TRAF5: variants seen among roughly 807,000 people sequenced by gnomAD.
TRAF5 encodes the protein TNF receptor associated factor 5.
In TRAF5, 48 loss-of-function variants were observed where a neutral mutation model predicts 64.5. That is an observed-to-expected ratio of 0.74 (90% CI 0.59 to 0.95). TRAF5 has a LOEUF of 0.95. Ranked by LOEUF, TRAF5 falls within the 40% of genes least tolerant of loss-of-function variation. The probability of loss-of-function intolerance (pLI) is 0.00; values close to 1 mark genes in which losing one functional copy is unlikely to be tolerated. For missense variants in TRAF5, 545 were observed against 662.8 expected (o/e 0.82, Z 1.95); for synonymous variants, 206 against 240.5 (o/e 0.86, Z 1.33).
intron 1 of TRAF5, among the ~76,000 whole-genome samples, chr1:211,332,463 G>C (rs1183964515): frequency 6.6e-6 from 1 of 152,146 alleles, no homozygotes; most frequent in African/African-American, 2.4e-5. Flanking sequence ...CTTGACCCTG[G>C]AGGATGGAGG....
Position 211,373,646 on chromosome 1 carries a change from A to G in TRAF5, c.*944A>G, listed in dbSNP as rs745578810. On this transcript the variant is annotated 3_prime_UTR_variant, in exon 11 of 11. Coordinates refer to ENST00000261464, the MANE Select transcript of TRAF5 (RefSeq NM_001033910.3). ...TGTCATAAATGGATAAAAGGAATTT[A>G]CAACTTGAGGAGAAAACCTTTACAA... The G allele has an allele frequency of 6.6e-6, 1 of 152,252 alleles. No individual in the cohort carries two copies. Among genetic ancestry groups the G allele is most frequent in the Non-Finnish European group, 1.5e-5 (1 of 68,040 alleles). 9.4% of individuals were successfully genotyped at this position (152,252 alleles called of 1,614,324 possible).
chr1:211,345,174 C>G (rs143704705), intron 1 of TRAF5, among the ~76,000 whole-genome samples: 1 of 152,152 alleles, frequency 6.6e-6, no homozygotes, highest in Non-Finnish European at 1.5e-5. Context: ...ACCTCGGCCT[C>G]CCAGAGTGCT....
In TRAF5 at chr1:211,337,832, G is replaced by T. The variant is rs548158108; in HGVS notation, c.-2+10943G>T. 5.3e-5 allele frequency among the ~76,000 whole-genome samples: 8 copies of T among 152,324 alleles called. 1 individual carries two copies. In the South Asian group the frequency reaches 1.7e-3, roughly 32 times the overall value. ...GTACCATTTCACTGAGATGGAGGAA[G>T]GCTATGGGAGGAGCAGGTTGGGTGG... On this transcript the variant is annotated intron_variant, in intron 1 of 10. Transcript: ENST00000261464.
intron 1 of TRAF5, among the ~76,000 whole-genome samples, chr1:211,344,493 T>C (rs992316588): frequency 1.3e-5 from 2 of 152,218 alleles, no homozygotes; most frequent in Non-Finnish European, 2.9e-5. Flanking sequence ...GTTGTCTGGT[T>C]GTCGTGGTGT....
At chr1:211,347,470 T>C (rs1007327047) in intron 1 of TRAF5, among the ~76,000 whole-genome samples, 1 of 152,210 alleles carries the variant, frequency 6.6e-6, no homozygotes, top group African/African-American at 2.4e-5. Context: ...AATGCTTATT[T>C]TTCTACAATG....
At chr1:211,354,793 A>T (rs1231055127) in intron 3 of TRAF5, among the ~76,000 whole-genome samples, 1 of 152,030 alleles carries the variant, frequency 6.6e-6, no homozygotes, top group Non-Finnish European at 1.5e-5. Context: ...GCATTTTTTC[A>T]TGTGCTTATT....
intron 3 of TRAF5, among the ~76,000 whole-genome samples, chr1:211,355,514 A>G (rs751290396): frequency 7.2e-5 from 11 of 152,088 alleles, no homozygotes; most frequent in Non-Finnish European, 1.2e-4. Flanking sequence ...TTGAGCCTCT[A>G]GTCTGCTGTA....
At chr1:211,347,102 C>A (rs1479444326) in intron 1 of TRAF5, among the ~76,000 whole-genome samples, 1 of 150,600 alleles carries the variant, frequency 6.6e-6, no homozygotes, top group Non-Finnish European at 1.5e-5. Context: ...TTTTTTTTTT[C>A]CTGACTTGCA....
chr1:211,326,896 C>A lies in TRAF5; in HGVS notation c.-2+7C>A. The A allele has an allele frequency of 1.0e-6, 1 of 984,978 alleles. No homozygotes were observed. The highest frequency in any genetic ancestry group is 4.5e-5 in the South Asian group (1 of 22,088). The allele number at this position is 984,978 out of a possible 1,614,324, so 61.0% of individuals were successfully genotyped here. A position where few individuals can be genotyped will look rare whatever the true frequency, so the allele number is the denominator to read the frequency against. On this transcript the variant is annotated splice_region_variant and intron_variant, in intron 1 of 10. Coordinates refer to ENST00000261464, the MANE Select transcript of TRAF5 (RefSeq NM_001033910.3). The surrounding 1 kb of genome is among the most constrained non-coding windows in gnomAD (Gnocchi z 5.0). ...CCCGCGCGCCGAGCCCCACGTGAGT[C>A]CGGCGGGTCGCCGCCCTGGGCACCC...
chr1:211,353,180 C>A, intron 1 of TRAF5, 59 bp from the exon 2 acceptor site: 1 of 1,480,978 alleles, frequency 6.8e-7, no homozygotes, highest in Non-Finnish European at 9.4e-7. Context: ...CATCTGATGG[C>A]TGTGGTTGTT....
rs746884152 is a variant in TRAF5 at position 211,371,339 on chromosome 1, A to G, written c.968A>G (p.Glu323Gly). The G allele has an allele frequency of 1.2e-6, 2 of 1,605,064 alleles. No homozygotes were observed. Among genetic ancestry groups the G allele is most frequent in the Admixed American group, 3.5e-5 (2 of 56,726 alleles). The change falls in exon 10 of 11, where the codon GAA becomes GGA. Residue 323 changes from glutamate to glycine, a missense_variant. Glu to Gly is a moderately conservative substitution (Grantham distance 98, BLOSUM62 -2). Coordinates refer to ENST00000261464, the MANE Select transcript of TRAF5 (RefSeq NM_001033910.3). ...ASHIDKSAWL[E>G]AQVHQLLQMV... is the part of the protein sequence containing the mutation. Reference sequence around the variant, plus strand: ...CACATTGACAAGTCAGCTTGGCTAGAAGCTCAAGTGCATCAATTATTACAA... The same window carrying G: ...CACATTGACAAGTCAGCTTGGCTAGGAGCTCAAGTGCATCAATTATTACAA...
At chr1:211,333,869 A>G (rs1201134113) in intron 1 of TRAF5, among the ~76,000 whole-genome samples, 1 of 152,166 alleles carries the variant, frequency 6.6e-6, no homozygotes, top group Non-Finnish European at 1.5e-5. Flanking sequence ...TCTCCTGCCT[A>G]GAATGCCTCC....
rs191531183 is a variant in TRAF5, at chr1:211,369,629, G to T, written c.930+37G>T. 1.2e-5 allele frequency: 18 copies of T among 1,511,390 alleles called. No individual in the cohort carries two copies. In the East Asian group the frequency reaches 3.4e-4, roughly 28 times the overall value. 93.6% of individuals were successfully genotyped at this position (1,511,390 alleles called of 1,614,324 possible). A position where few individuals can be genotyped will look rare whatever the true frequency, so the allele number is the denominator to read the frequency against. ...CCTTTGCGTTGAAAGCCAAGATTTG[G>T]CTTTCAATTGCAGTGAGAGTTTTTC... On this transcript the variant is annotated intron_variant, in intron 9 of 10. Coordinates refer to ENST00000261464, the MANE Select transcript of TRAF5 (RefSeq NM_001033910.3).
At chr1:211,343,315 G>C (rs1572062113) in intron 1 of TRAF5, among the ~76,000 whole-genome samples, 1 of 152,064 alleles carries the variant, frequency 6.6e-6, no homozygotes, top group South Asian at 2.1e-4. Context: ...TTGGAACCTT[G>C]GAGGGGCAGG....
At chr1:211,365,265 C>G in intron 7 of TRAF5, 111 bp from the exon 8 acceptor site, 1 of 867,546 alleles carries the variant, frequency 1.2e-6, no homozygotes, top group South Asian at 1.7e-5. Flanking sequence ...CGTGTTTAAA[C>G]TATTAAAGTA....
intron 1 of TRAF5, among the ~76,000 whole-genome samples, chr1:211,334,385 G>A (rs184178656): frequency 3.3e-5 from 5 of 152,318 alleles, no homozygotes; most frequent in Admixed American, 6.5e-5. Context: ...TTGGCTGGGC[G>A]CGGTGGCTCA....
chr1:211,365,263 A>C (rs752383553), intron 7 of TRAF5, 113 bp from the exon 8 acceptor site: 41 of 839,730 alleles, frequency 4.9e-5, no homozygotes, highest in Middle Eastern at 4.5e-4. Flanking sequence ...TGCGTGTTTA[A>C]ACTATTAAAG....
Position 211,353,225 on chromosome 1 carries a change from C to T in TRAF5, c.-1-14C>T, listed in dbSNP as rs924383508. 1.2e-6 allele frequency: 2 copies of T among 1,613,518 alleles called. No individual in the cohort carries two copies. Among genetic ancestry groups the T allele is most frequent in the Non-Finnish European group, 1.7e-6 (2 of 1,179,636 alleles). On this transcript the variant is annotated splice_polypyrimidine_tract_variant and intron_variant, in intron 1 of 10. Transcript: ENST00000261464. ...GCACACTTAATTTTCCCTCTCCTCC[C>T]CTGACCTCTGCAGAATGGCTTATTC...
chr1:211,336,379 A>C (rs1279433864), intron 1 of TRAF5, among the ~76,000 whole-genome samples: 4 of 152,198 alleles, frequency 2.6e-5, no homozygotes, highest in Admixed American at 6.5e-5. Context: ...AGCGCTGCTC[A>C]GGCTTTACTC....
Sources: allele counts gnomAD v4.1 joint callset (sites outside exome capture counted in the v4.1 genomes callset), GRCh38; gene constraint gnomAD v4.1.1; non-coding constraint Gnocchi (gnomAD v3.1); transcripts MANE v1.5; gene names NCBI Gene and HGNC (gene_info 2026-07-23, HGNC 2026-07-21).